LMTK2: variants seen among roughly 807,000 people sequenced by gnomAD.
LMTK2 encodes lemur tail kinase 2.
A neutral mutation model predicts 127.5 loss-of-function variants in LMTK2; 37 were observed. The observed-to-expected ratio is 0.29, with a 90% CI of 0.22 to 0.38. The LOEUF is 0.38. Ranked by LOEUF, LMTK2 falls within the 10% of genes least tolerant of loss-of-function variation. LMTK2 has a pLI of 1.00. For synonymous variants in LMTK2, 819 were observed against 810.1 expected (o/e 1.01, Z -0.19); for missense variants, 1,694 against 1,920.3 (o/e 0.88, Z 2.20).
At chr7:98,129,650 G>A (rs1796494160) in intron 1 of LMTK2, among the ~76,000 whole-genome samples, 1 of 152,170 alleles carries the variant, frequency 6.6e-6, no homozygotes, top group South Asian at 2.1e-4. Context: ...ACAGGCGTGA[G>A]CCACTGTGCC....
chr7:98,182,716 A>C (rs1275379433), intron 7 of LMTK2, among the ~76,000 whole-genome samples: 1 of 152,268 alleles, frequency 6.6e-6, no homozygotes, highest in Non-Finnish European at 1.5e-5. Flanking sequence ...CATGTGATGC[A>C]GTGATGCCAC....
Position 98,141,519 on chromosome 7 carries a change from C to T in LMTK2, c.354C>T (p.Pro118=). Residue 118 remains proline, a synonymous_variant, in exon 3 of 14, where the codon CCC becomes CCT. Transcript: ENST00000297293. The stretch of plus-strand genomic sequence containing the variant: ...TACCAAATATTTCACTCCCAGCTCC[C>T]TCGCAATTCCAGCCTTCTGTAGGTA... The part of the protein sequence containing the change: ...LSVPNISLPA[P]SQFQPSVEGL... 1 of 1,614,110 alleles carries T rather than the reference C, an allele frequency of 6.2e-7. No homozygotes were observed. Among genetic ancestry groups the T allele is most frequent in the Non-Finnish European group, 8.5e-7 (1 of 1,179,964 alleles).
rs1797603674 is a variant in LMTK2 at position 98,194,907 on chromosome 7, C to T, written c.4107+335C>T. On this transcript the variant is annotated intron_variant, in intron 11 of 13. Coordinates refer to ENST00000297293, the MANE Select transcript of LMTK2 (RefSeq NM_014916.4). The surrounding 1 kb of genome is among the most constrained non-coding windows in gnomAD (Gnocchi z 5.4). ...AGACAGCCTTGCTCTGTGGCCCAGGCTGGAATGCAGTGGTACAGTTGCAGC... is the reference window on the plus strand; with the variant it reads ...AGACAGCCTTGCTCTGTGGCCCAGGTTGGAATGCAGTGGTACAGTTGCAGC... Among the ~76,000 whole-genome samples the T allele has an allele frequency of 6.6e-6, 1 of 152,174 alleles. No individual in the cohort carries two copies. Among genetic ancestry groups the T allele is most frequent in the South Asian group, 2.1e-4 (1 of 4,836 alleles).
chr7:98,145,742 C>A (rs57423127), intron 3 of LMTK2, among the ~76,000 whole-genome samples: 240 of 152,270 alleles, frequency 1.6e-3, no homozygotes, highest in African/African-American at 5.5e-3. Context: ...ACAAATATTT[C>A]TCAAATTCTA....
At chr7:98,130,228 A>G (rs1796503089) in intron 1 of LMTK2, among the ~76,000 whole-genome samples, 2 of 152,112 alleles carry the variant, frequency 1.3e-5, no homozygotes, top group South Asian at 2.1e-4. Flanking sequence ...TAGCCAGGCA[A>G]CGTTGGATGC....
At chr7:98,124,793 A>AAT (rs1554384099) in intron 1 of LMTK2, among the ~76,000 whole-genome samples, 1 of 151,922 alleles carries the variant, frequency 6.6e-6, no homozygotes, top group Non-Finnish European at 1.5e-5. Flanking sequence ...TCTAAAAAAA[A>AAT]AATAATAATA....
At chr7:98,116,390 C>G (rs75689760) in intron 1 of LMTK2, among the ~76,000 whole-genome samples, 13 of 150,220 alleles carry the variant, frequency 8.7e-5, no homozygotes, top group East Asian at 7.8e-4. Context: ...CAGTGTGTGT[C>G]TGTGTGTGTG....
At position 98,208,304 on chromosome 7, in the gene LMTK2, A is replaced by G. The variant is rs947117765; in HGVS notation, c.*2812A>G. ...AACATGTTTTTTTGAAATCCAAGCA[A>G]TACACAGGAAATTTAAGTAGAATAA... On this transcript the variant is annotated 3_prime_UTR_variant, in exon 14 of 14. Transcript: ENST00000297293. The G allele has an allele frequency of 6.6e-6, 1 of 152,218 alleles. No individual in the cohort carries two copies. Among genetic ancestry groups the G allele is most frequent in the African/African-American group, 2.4e-5 (1 of 41,450 alleles). The allele number at this position is 152,218 out of a possible 1,614,324, so 9.4% of individuals were successfully genotyped here. A position where few individuals can be genotyped will look rare whatever the true frequency, so the allele number is the denominator to read the frequency against.
At chr7:98,158,400 G>A (rs898878367) in intron 5 of LMTK2, among the ~76,000 whole-genome samples, 1 of 152,150 alleles carries the variant, frequency 6.6e-6, no homozygotes, top group South Asian at 2.1e-4. Context: ...TCAGCTTCCC[G>A]AGGAGCTGGG....
intron 9 of LMTK2, among the ~76,000 whole-genome samples, chr7:98,189,299 G>A (rs961452141): frequency 6.6e-6 from 1 of 152,124 alleles, no homozygotes; most frequent in Non-Finnish European, 1.5e-5. Context: ...GGATGGGGTG[G>A]TGGAGGCCAG....
chr7:98,154,093 C>T (rs953361631), intron 4 of LMTK2, among the ~76,000 whole-genome samples: 4 of 152,006 alleles, frequency 2.6e-5, no homozygotes, highest in Non-Finnish European at 4.4e-5. Flanking sequence ...AACCCTTATT[C>T]GCATTTTCAT....
In LMTK2 at chr7:98,192,727, T is replaced by C. The variant is rs1261624452; in HGVS notation, c.2262T>C (p.Phe754=). The C allele has an allele frequency of 6.2e-7, 1 of 1,612,584 alleles. No individual in the cohort carries two copies. The highest frequency in any genetic ancestry group is 1.3e-5 in the African/African-American group (1 of 74,874). Residue 754 remains phenylalanine (F), a synonymous_variant, in exon 11 of 14, where the codon TTT becomes TTC. Coordinates refer to ENST00000297293, the MANE Select transcript of LMTK2 (RefSeq NM_014916.4). ...AGACAGAACTTAAGAATGCTGGTTT[T>C]ACTGAAGCTATGTTAGAAACGTCAT... ...DLQTELKNAG[F]TEAMLETSCR...
At position 98,209,260 on chromosome 7, in the gene LMTK2, T is replaced by TTGACAG. The variant is rs1349326099; in HGVS notation, c.*3771_*3776dup. Reference sequence around the variant, plus strand: ...CTATAAAGAAATTCTTAAAGATGCATTGACAGTGTTGAATTACCAACAGCC... The same window carrying TTGACAG: ...CTATAAAGAAATTCTTAAAGATGCATTGACAGTGACAGTGTTGAATTACCAACAGCC... On this transcript the variant is annotated 3_prime_UTR_variant, in exon 14 of 14. Transcript: ENST00000297293. The TTGACAG allele has an allele frequency of 1.3e-5, 2 of 152,262 alleles. No homozygotes were observed. The highest frequency in any genetic ancestry group is 2.9e-5 in the Non-Finnish European group (2 of 68,048). The allele number at this position is 152,262 out of a possible 1,614,324, so 9.4% of individuals were successfully genotyped here.
chr7:98,200,493 G>A (rs117683966), intron 11 of LMTK2, among the ~76,000 whole-genome samples: 1,844 of 152,272 alleles, frequency 0.012, 17 homozygotes, highest in Admixed American at 0.02. Flanking sequence ...GTATAGATAC[G>A]GAGGGCTGAC....
At chr7:98,197,816 G>A (rs1048585585) in intron 11 of LMTK2, among the ~76,000 whole-genome samples, 17 of 152,162 alleles carry the variant, frequency 1.1e-4, no homozygotes, top group East Asian at 3.9e-4. Context: ...CACTGCAGCC[G>A]GGATGGCAGA....
intron 2 of LMTK2, among the ~76,000 whole-genome samples, chr7:98,137,903 A>G (rs1194686121): frequency 6.6e-6 from 1 of 152,184 alleles, no homozygotes; most frequent in African/African-American, 2.4e-5. Context: ...AGACTGGTGA[A>G]TTTGTGGTCA....
chr7:98,186,374 T>C lies in LMTK2; in HGVS notation c.877-503T>C, dbSNP rs557136331. On this transcript the variant is annotated intron_variant, in intron 8 of 13. Coordinates refer to ENST00000297293, the MANE Select transcript of LMTK2 (RefSeq NM_014916.4). ...CCGAGCCCGGCCTGCATCATCTCATTTAATCCTCACCGCAGAGGGGAGGTT... is the reference window on the plus strand; with the variant it reads ...CCGAGCCCGGCCTGCATCATCTCATCTAATCCTCACCGCAGAGGGGAGGTT... Among the ~76,000 whole-genome samples, 3 of 152,258 alleles carry C rather than the reference T, an allele frequency of 2.0e-5. No individual in the cohort carries two copies. The South Asian group carries it at 6.2e-4, about 32-fold the overall frequency.
At chr7:98,111,526 G>A (rs560458511) in intron 1 of LMTK2, among the ~76,000 whole-genome samples, 1 of 152,204 alleles carries the variant, frequency 6.6e-6, no homozygotes, top group Admixed American at 6.5e-5. Context: ...CTTGGCTGCC[G>A]CTGGAATAGC....
chr7:98,125,370 A>G (rs1796430293), intron 1 of LMTK2, among the ~76,000 whole-genome samples: 1 of 151,352 alleles, frequency 6.6e-6, no homozygotes, highest in African/African-American at 2.4e-5. Context: ...CATCTGACGT[A>G]TCATATATTT....
Sources: gnomAD v4.1 joint callset for allele counts (sites outside exome capture counted in the v4.1 genomes callset) on GRCh38, gnomAD v4.1.1 for gene constraint, Gnocchi (gnomAD v3.1) non-coding constraint, MANE v1.5 for transcripts, NCBI Gene and HGNC (gene_info 2026-07-23, HGNC 2026-07-21) for gene names.